Variants in KIF26A observed in about 807,000 individuals in gnomAD.
The protein encoded by KIF26A is kinesin family member 26A.
Under a neutral mutation model 126.0 loss-of-function variants are expected in KIF26A, and 74 were observed. The ratio of observed to expected loss-of-function variants is 0.59; its 90% CI spans 0.49 to 0.71. The LOEUF is 0.71. Among genes scored for constraint, KIF26A ranks in the 30% least tolerant of loss-of-function variants. The pLI, the probability that KIF26A is intolerant of heterozygous loss-of-function variation, is 0.00. For synonymous variants in KIF26A, 1,445 were observed against 1,232.7 expected (o/e 1.17, Z -3.61); for missense variants, 2,984 against 2,763.3 (o/e 1.08, Z -1.79).
intron 4 of KIF26A, among the ~76,000 whole-genome samples, chr14:104,164,533 T>G (rs1596141999): frequency 6.7e-6 from 1 of 149,028 alleles, no homozygotes. Flanking sequence ...AGAGGTGGGG[T>G]GGGTGGGCCA....
rs1283210736 is a variant in KIF26A, at chr14:104,166,917, C to G, written c.982C>G (p.Pro328Ala). 5 of 1,594,152 alleles carry G rather than the reference C, an allele frequency of 3.1e-6. 1 individual carries two copies. The South Asian group carries it at 5.7e-5, about 18-fold the overall frequency. The change falls in exon 5 of 15, where the codon CCA becomes GCA. Residue 328 changes from proline (P) to alanine (A), a missense_variant. Transcript: ENST00000423312. ...GAAGAAGCCCCACCCGCCACCGCCTCCAGCCACCCGCGGCACCTCCACCTA... is the reference window on the plus strand; with the variant it reads ...GAAGAAGCCCCACCCGCCACCGCCTGCAGCCACCCGCGGCACCTCCACCTA... ...KRKKPHPPPP[P>A]ATRGTSTYPT...
intron 2 of KIF26A, among the ~76,000 whole-genome samples, chr14:104,144,188 A>G (rs1044800961): frequency 2.6e-5 from 4 of 152,106 alleles, no homozygotes; most frequent in Non-Finnish European, 4.4e-5. Context: ...TTGGGGTCCC[A>G]GGGGTTGAGG....
chr14:104,165,038 T>A (rs377309363), intron 4 of KIF26A, among the ~76,000 whole-genome samples: 70 of 152,122 alleles, frequency 4.6e-4, no homozygotes, highest in African/African-American at 1.6e-3. Flanking sequence ...TGTGTCTGTA[T>A]GTGTATGTGT....
intron 13 of KIF26A, 139 bp downstream of exon 13, chr14:104,178,894 C>T: frequency 6.6e-6 from 4 of 608,232 alleles, no homozygotes; most frequent in Non-Finnish European, 1.1e-5. Context: ...TGTCCACGTT[C>T]CTCCCAGGAC....
chr14:104,167,432 T>C (rs1354359754), intron 5 of KIF26A, among the ~76,000 whole-genome samples: 1 of 151,992 alleles, frequency 6.6e-6, no homozygotes, highest in African/African-American at 2.4e-5. Flanking sequence ...CTCTCTGCTC[T>C]CCAGAGTCAC....
At chr14:104,174,919 G>A in intron 11 of KIF26A, 63 bp from the exon 12 acceptor site, 1 of 1,445,844 alleles carries the variant, frequency 6.9e-7, no homozygotes, top group African/African-American at 1.4e-5. Flanking sequence ...CTCTGGGGAG[G>A]GTCGGGGAAG....
At chr14:104,171,643 G>A in intron 5 of KIF26A, 80 bp from the exon 6 acceptor site, 1 of 1,265,904 alleles carries the variant, frequency 7.9e-7, no homozygotes, top group Non-Finnish European at 1.1e-6. Context: ...GTCCCCACCT[G>A]AGCTGGGCCC....
chr14:104,150,787 C>T (rs1027480862), intron 2 of KIF26A, among the ~76,000 whole-genome samples: 1 of 152,314 alleles, frequency 6.6e-6, no homozygotes, highest in Non-Finnish European at 1.5e-5. Context: ...GGCCAGGTTT[C>T]GGGTGGTGGG....
intron 2 of KIF26A, among the ~76,000 whole-genome samples, chr14:104,142,782 G>A (rs1470148026): frequency 3.9e-5 from 6 of 152,192 alleles, no homozygotes; most frequent in African/African-American, 1.4e-4. Flanking sequence ...ACAAGCAGGA[G>A]CTCTGCCAGG....
At position 104,176,446 on chromosome 14, in the gene KIF26A, ACCAC is replaced by A. The variant is rs775174893; in HGVS notation, c.3661_3664del (p.Thr1221ValfsTer26). 1 of 1,602,344 alleles carries A rather than the reference ACCAC, an allele frequency of 6.2e-7. No individual in the cohort carries two copies. Among genetic ancestry groups the A allele is most frequent in the African/African-American group, 1.3e-5 (1 of 74,850 alleles). On this transcript the variant is annotated frameshift_variant, in exon 12 of 15. Coordinates refer to ENST00000423312, the MANE Select transcript of KIF26A (RefSeq NM_015656.2). LOFTEE classifies it high-confidence loss of function. ...CCGGAAACCGAGGACTGCCTCTGCC[ACCAC>A]CCGTGTGGGCTGTGCTCGCCTGGGC...
At chr14:104,139,867 G>T (rs549356190) in intron 2 of KIF26A, among the ~76,000 whole-genome samples, 1 of 152,316 alleles carries the variant, frequency 6.6e-6, no homozygotes, top group Non-Finnish European at 1.5e-5. Context: ...GAATTGAGTC[G>T]GGGCCCTCTG....
intron 3 of KIF26A, among the ~76,000 whole-genome samples, chr14:104,156,456 C>T (rs145144741): frequency 2.0e-5 from 3 of 152,144 alleles, no homozygotes; most frequent in Non-Finnish European, 4.4e-5. Flanking sequence ...CTTCTGGAAG[C>T]CCCGGAGGAG....
Position 104,150,433 on chromosome 14 carries a change from G to A in KIF26A, c.289-1582G>A, listed in dbSNP as rs566210044. 1.4e-4 allele frequency among the ~76,000 whole-genome samples: 21 copies of A among 152,034 alleles called. No individual in the cohort carries two copies. In the East Asian group the frequency reaches 4.1e-3, roughly 30 times the overall value. On this transcript the variant is annotated intron_variant, in intron 2 of 14. Transcript: ENST00000423312. ...TGGGGGTCGCCTTTTCATGCGACCT[G>A]CCTGGGACTGTGGGGAGTGTGAGGT...
intron 3 of KIF26A, 42 bp from the exon 4 acceptor site, chr14:104,157,712 TC>T: frequency 6.3e-7 from 1 of 1,578,232 alleles, no homozygotes; most frequent in Non-Finnish European, 8.6e-7. Context: ...CAGTGGTGTC[TC>T]TGCCCTTGCG....
In KIF26A at chr14:104,176,724, G is replaced by A. The variant is rs767696287; in HGVS notation, c.3936G>A (p.Thr1312=). 1.3e-5 allele frequency: 21 copies of A among 1,585,768 alleles called. No individual in the cohort carries two copies. The highest frequency in any genetic ancestry group is 2.7e-5 in the African/African-American group (2 of 74,500). ...CACCGCTGCGGAGGGGTGCCACCACGCTGGGTGTGACAACGCCAGCTGTGT... is the reference window on the plus strand; with the variant it reads ...CACCGCTGCGGAGGGGTGCCACCACACTGGGTGTGACAACGCCAGCTGTGT... ...RIPPLRRGAT[T]LGVTTPAVSW... The change falls in exon 12 of 15, where the codon ACG becomes ACA. Residue 1312 remains threonine (T), a synonymous_variant. Transcript: ENST00000423312.
chr14:104,179,181 G>T (rs2038071917), intron 13 of KIF26A, 55 bp from the exon 14 acceptor site: 1 of 1,411,382 alleles, frequency 7.1e-7, no homozygotes, highest in Non-Finnish European at 9.2e-7. Flanking sequence ...GGGCTGCTTG[G>T]GGGTCTCTGG....
At chr14:104,146,263 G>A (rs1332526274) in intron 2 of KIF26A, among the ~76,000 whole-genome samples, 3 of 152,198 alleles carry the variant, frequency 2.0e-5, no homozygotes, top group African/African-American at 7.2e-5. Context: ...CTGGGTGTTG[G>A]GATGGTGCCA....
At position 104,175,858 on chromosome 14, in the gene KIF26A, G is replaced by A. The variant is rs1460943165; in HGVS notation, c.3070G>A (p.Val1024Met). Residue 1024 changes from valine to methionine, a missense_variant, in exon 12 of 15, where the codon GTG becomes ATG. Transcript: ENST00000423312. ...LTTTVTLQRPVELNGEDELVF... is the reference protein window; with the variant it reads ...LTTTVTLQRPMELNGEDELVF... ...CACCACAGTGACCCTGCAGCGGCCAGTGGAGCTCAACGGCGAGGACGAGCT... is the reference window on the plus strand; with the variant it reads ...CACCACAGTGACCCTGCAGCGGCCAATGGAGCTCAACGGCGAGGACGAGCT... The A allele has an allele frequency of 6.5e-7, 1 of 1,539,674 alleles. No individual in the cohort carries two copies. The highest frequency in any genetic ancestry group is 2.0e-5 in the Admixed American group (1 of 51,278).
At position 104,157,878 on chromosome 14, in the gene KIF26A, A is replaced by C. The variant is rs1239942620; in HGVS notation, c.859A>C (p.Thr287Pro). Residue 287 changes from threonine (T) to proline (P), a missense_variant, in exon 4 of 15, where the codon ACC (threonine) becomes CCC (proline). Transcript: ENST00000423312. ...RGGVCTSALV[T>P]PTPGSVGGST... ...TGGAGTCTGCACGTCAGCCCTGGTC[A>C]CCCCCACCCCGGGCTCGGTGGGGGG... 4.4e-6 allele frequency: 7 copies of C among 1,574,552 alleles called. No homozygotes were observed. Among genetic ancestry groups the C allele is most frequent in the Middle Eastern group, 1.7e-4 (1 of 5,948 alleles).
Sources: allele counts gnomAD v4.1 joint callset (sites outside exome capture counted in the v4.1 genomes callset), GRCh38; gene constraint gnomAD v4.1.1; transcripts MANE v1.5; gene names NCBI Gene and HGNC (gene_info 2026-07-23, HGNC 2026-07-21).